The following MTMR1 variants were observed in gnomAD, a reference collection of about 807,000 sequenced individuals.
The protein encoded by MTMR1 is phosphatidylinositol-3-phosphate phosphatase MTMR1.
MTMR1 carries 17 observed loss-of-function variants against 51.6 expected under a neutral mutation model. The observed-to-expected ratio is 0.33, with a 90% CI of 0.23 to 0.49. The LOEUF (loss-of-function observed/expected upper bound fraction) is 0.49, where lower values mean the gene tolerates loss of function less well. Ranked by LOEUF, MTMR1 falls within the 20% of genes least tolerant of loss-of-function variation. MTMR1 has a pLI of 0.99. For synonymous variants in MTMR1, 201 were observed against 205.6 expected, an observed-to-expected ratio of 0.98 and a Z score of 0.19; for missense variants, 386 against 526.9, an observed-to-expected ratio of 0.73 and a Z score of 2.62.
At chrX:150,729,633 A>C (rs1433375237) in intron 6 of MTMR1, among the ~76,000 whole-genome samples, 1 of 111,818 alleles carries the variant, frequency 8.9e-6, no homozygotes, top group Non-Finnish European at 1.9e-5. Context: ...ACCCTGTTCC[A>C]CTCATTTCAG....
intron 2 of MTMR1, among the ~76,000 whole-genome samples, chrX:150,708,461 C>A (rs990109961): frequency 9.1e-6 from 1 of 110,339 alleles, no homozygotes; most frequent in African/African-American, 3.3e-5. Context: ...TATGTAACAA[C>A]TGAAATATAT....
At chrX:150,758,821 A>C (rs970095711) in intron 15 of MTMR1, among the ~76,000 whole-genome samples, 8 of 111,116 alleles carry the variant, frequency 7.2e-5, no homozygotes, top group African/African-American at 9.8e-5. Context: ...AATTACATTT[A>C]TCTCTCCCTT....
At chrX:150,702,940 A>AAG (rs1322893888) in intron 2 of MTMR1, among the ~76,000 whole-genome samples, 1 of 111,794 alleles carries the variant, frequency 8.9e-6, no homozygotes, top group Non-Finnish European at 1.9e-5. Context: ...TTGGCCTGTT[A>AAG]ATTAAGACTA....
In MTMR1 at chrX:150,727,714, G is replaced by A. The variant is rs2041986107; in HGVS notation, c.478G>A (p.Gly160Arg). Reference protein sequence around the residue: ...DPHFILDVPLGVISRVEKIGA... With the variant: ...DPHFILDVPLRVISRVEKIGA... ...GCATTTTATCCTTGATGTTCCCCTT[G>A]GAGTGATCAGCAGAGTGGAGAAGAT... Residue 160 changes from glycine to arginine, a missense_variant, in exon 6 of 16, where the codon GGA becomes AGA. Gly to Arg is a moderately radical substitution (Grantham distance 125). Transcript: ENST00000445323. 5 of 1,211,093 alleles carry A rather than the reference G, an allele frequency of 4.1e-6. No homozygotes were observed. The highest frequency in any genetic ancestry group is 5.6e-6 in the Non-Finnish European group (5 of 894,896).
chrX:150,716,945 G>T (rs1156580213), intron 3 of MTMR1, among the ~76,000 whole-genome samples: 1 of 112,055 alleles, frequency 8.9e-6, no homozygotes. Flanking sequence ...AACACTAGTG[G>T]CCTCCGATGT....
intron 4 of MTMR1, among the ~76,000 whole-genome samples, chrX:150,722,662 T>G (rs1368518145): frequency 1.8e-5 from 2 of 111,156 alleles, no homozygotes; most frequent in Non-Finnish European, 3.8e-5. Flanking sequence ...TTCTTTCTTT[T>G]GTCTCCAAAC....
intron 15 of MTMR1, among the ~76,000 whole-genome samples, chrX:150,757,712 T>C (rs192857783): frequency 1.2e-4 from 13 of 111,965 alleles, no homozygotes; most frequent in Non-Finnish European, 2.4e-4. Context: ...ATCACCTCTT[T>C]CAGCTCTTCC....
At chrX:150,730,456 A>T in intron 7 of MTMR1, 69 bp from the exon 8 acceptor site, 1 of 744,137 alleles carries the variant, frequency 1.3e-6, no homozygotes, top group Non-Finnish European at 1.9e-6. Context: ...TAGAATGAAA[A>T]GCTTTAATAT....
In MTMR1 at chrX:150,762,420, G is replaced by A. The variant is rs146524205; in HGVS notation, c.1858-145G>A. On this transcript the variant is annotated intron_variant, in intron 15 of 15. Coordinates refer to ENST00000445323, the MANE Select transcript of MTMR1 (RefSeq NM_001306144.3). ...GATGGGGTCCCATTGTCCACCTGACGCGAGATCGGTCAACGCCTCAGGAGA... is the reference window on the plus strand; with the variant it reads ...GATGGGGTCCCATTGTCCACCTGACACGAGATCGGTCAACGCCTCAGGAGA... The A allele has an allele frequency of 4.9e-3, 3,588 of 732,946 alleles. 8 individuals are homozygous for A. The highest frequency in any genetic ancestry group is 6.6e-3 in the Non-Finnish European group (3,261 of 495,312). 60.4% of individuals were successfully genotyped at this position (732,946 alleles called of 1,213,427 possible).
intron 15 of MTMR1, among the ~76,000 whole-genome samples, chrX:150,758,494 A>T (rs1433023087): frequency 8.9e-6 from 1 of 111,861 alleles, no homozygotes; most frequent in African/African-American, 3.3e-5. Flanking sequence ...TCCTCTTTTT[A>T]AAAAAATTTA....
chrX:150,695,722 G>C (rs1030972814), intron 1 of MTMR1, among the ~76,000 whole-genome samples: 1 of 112,037 alleles, frequency 8.9e-6, no homozygotes, highest in Admixed American at 9.4e-5. Context: ...TGATCTATCT[G>C]AGCCTGGAGT....
At chrX:150,746,036 G>A (rs2042567327) in intron 13 of MTMR1, among the ~76,000 whole-genome samples, 1 of 112,355 alleles carries the variant, frequency 8.9e-6, no homozygotes, top group Non-Finnish European at 1.9e-5. Context: ...GATTCAGTGG[G>A]GCTGAGGCAG....
chrX:150,731,180 C>A (rs2148627159), intron 8 of MTMR1, among the ~76,000 whole-genome samples: 1 of 112,010 alleles, frequency 8.9e-6, no homozygotes, highest in Admixed American at 9.4e-5. Flanking sequence ...TAACAGAGCT[C>A]ATTATTTATA....
At chrX:150,715,109 C>T (rs2041453293) in intron 3 of MTMR1, among the ~76,000 whole-genome samples, 1 of 111,990 alleles carries the variant, frequency 8.9e-6, no homozygotes, top group African/African-American at 3.3e-5. Context: ...GTGTGGCATG[C>T]CCCAGGTGCT....
intron 14 of MTMR1, among the ~76,000 whole-genome samples, chrX:150,755,025 CAAAAA>C (rs34113407): frequency 1.8e-5 from 1 of 55,144 alleles, no homozygotes; most frequent in Non-Finnish European, 3.3e-5. Context: ...GACTCCATCT[CAAAAA>C]AAAAAAAAAA....
intron 4 of MTMR1, among the ~76,000 whole-genome samples, chrX:150,720,466 T>A (rs782411311): frequency 8.9e-6 from 1 of 112,567 alleles, no homozygotes; most frequent in East Asian, 2.8e-4. Context: ...ACAGTCATTC[T>A]TTTTTATTGC....
At chrX:150,731,692 A>G in intron 9 of MTMR1, 73 bp downstream of exon 9, 1 of 943,688 alleles carries the variant, frequency 1.1e-6, no homozygotes, top group East Asian at 3.4e-5. Flanking sequence ...ATTTAAGACA[A>G]AAAAGAAACT....
At chrX:150,728,185 A>G (rs2042002278) in intron 6 of MTMR1, among the ~76,000 whole-genome samples, 2 of 112,474 alleles carry the variant, frequency 1.8e-5, no homozygotes, top group Non-Finnish European at 3.8e-5. Flanking sequence ...CACTATGTAA[A>G]TAGTTGTTAT....
chrX:150,730,086 G>A (rs374378762), intron 6 of MTMR1, 23 bp from the exon 7 acceptor site: 52 of 1,117,355 alleles, frequency 4.7e-5, no homozygotes, highest in Non-Finnish European at 5.8e-5. Flanking sequence ...TTGAATAACC[G>A]AGTTTTGCTA....
Sources: allele counts gnomAD v4.1 joint callset (sites outside exome capture counted in the v4.1 genomes callset), GRCh38; gene constraint gnomAD v4.1.1; transcripts MANE v1.5; gene names NCBI Gene and HGNC (gene_info 2026-07-23, HGNC 2026-07-21).